INPP4B: variants seen among roughly 807,000 people sequenced by gnomAD.
The protein encoded by INPP4B is inositol polyphosphate 4-phosphatase type II.
A neutral mutation model predicts 122.5 loss-of-function variants in INPP4B; 55 were observed. That is an observed-to-expected ratio of 0.45 (90% CI 0.36 to 0.56). The LOEUF (loss-of-function observed/expected upper bound fraction) is 0.56, where lower values mean the gene tolerates loss of function less well. Ranked by LOEUF, INPP4B falls within the 20% of genes least tolerant of loss-of-function variation. INPP4B has a pLI of 0.00. For synonymous variants in INPP4B, 403 were observed against 388.7 expected (o/e 1.04, Z -0.43); for missense variants, 1,000 against 1,097.7 (o/e 0.91, Z 1.26).
intron 17 of INPP4B, among the ~76,000 whole-genome samples, chr4:142,156,702 TG>T (rs1184697488): frequency 6.6e-6 from 1 of 152,144 alleles, no homozygotes; most frequent in Non-Finnish European, 1.5e-5. Context: ...CAGATTCATA[TG>T]CCATCAATTT....
chr4:142,289,553 C>T (rs1022315448), intron 9 of INPP4B, among the ~76,000 whole-genome samples: 2 of 152,170 alleles, frequency 1.3e-5, no homozygotes, highest in African/African-American at 4.8e-5. Context: ...AGCCCTTGGA[C>T]AGGCCCCGTG....
chr4:142,232,175 AT>A (rs1854673323), intron 12 of INPP4B, among the ~76,000 whole-genome samples: 1 of 152,076 alleles, frequency 6.6e-6, no homozygotes, highest in Non-Finnish European at 1.5e-5. Flanking sequence ...GTATTTACTA[AT>A]TTTTTGTTAA....
chr4:142,143,117 A>C (rs990635561), intron 18 of INPP4B, among the ~76,000 whole-genome samples: 3 of 152,074 alleles, frequency 2.0e-5, no homozygotes, highest in African/African-American at 7.2e-5. Context: ...CAAAACACCA[A>C]AAAACAATTA....
At chr4:142,039,654 C>T (rs924103209) in intron 25 of INPP4B, among the ~76,000 whole-genome samples, 7 of 151,498 alleles carry the variant, frequency 4.6e-5, no homozygotes, top group Admixed American at 2.6e-4. Context: ...TAATTGCTTC[C>T]ATTAAATCAT....
At chr4:142,382,327 G>A (rs1794408701) in intron 7 of INPP4B, among the ~76,000 whole-genome samples, 1 of 151,600 alleles carries the variant, frequency 6.6e-6, no homozygotes, top group Non-Finnish European at 1.5e-5. Flanking sequence ...TGGCCAACAT[G>A]GTGAAATCCT....
At chr4:142,689,742 A>C (rs911310103) in intron 2 of INPP4B, among the ~76,000 whole-genome samples, 5 of 152,194 alleles carry the variant, frequency 3.3e-5, no homozygotes, top group Admixed American at 6.5e-5. Flanking sequence ...TAAAGCATTA[A>C]AATATCTCAC....
intron 16 of INPP4B, among the ~76,000 whole-genome samples, chr4:142,162,877 T>G (rs1820790694): frequency 6.6e-6 from 1 of 151,952 alleles, no homozygotes; most frequent in Non-Finnish European, 1.5e-5. Flanking sequence ...CTGACAAAAT[T>G]TATCTGACTT....
At chr4:142,434,300 G>T (rs1809963260) in intron 3 of INPP4B, among the ~76,000 whole-genome samples, 1 of 152,202 alleles carries the variant, frequency 6.6e-6, no homozygotes, top group Non-Finnish European at 1.5e-5. Flanking sequence ...AGGTGAGGGA[G>T]ACCAAGTCAG....
chr4:142,093,367 T>A (rs979677462), intron 23 of INPP4B, among the ~76,000 whole-genome samples: 1 of 152,144 alleles, frequency 6.6e-6, no homozygotes, highest in Non-Finnish European at 1.5e-5. Flanking sequence ...ACCCACAGAA[T>A]CTGTGAGCAT....
intron 11 of INPP4B, among the ~76,000 whole-genome samples, chr4:142,253,564 T>C (rs1320221439): frequency 6.6e-6 from 1 of 152,148 alleles, no homozygotes; most frequent in Non-Finnish European, 1.5e-5. Context: ...GTCAGGGAGT[T>C]CCCTTTCCTA....
intron 2 of INPP4B, among the ~76,000 whole-genome samples, chr4:142,492,050 C>T (rs993019654): frequency 1.3e-5 from 2 of 152,072 alleles, no homozygotes; most frequent in Non-Finnish European, 2.9e-5. Context: ...CAGTTAATCC[C>T]ATGCTGTTCA....
At chr4:142,719,402 C>A (rs1422041789) in intron 2 of INPP4B, among the ~76,000 whole-genome samples, 2 of 151,824 alleles carry the variant, frequency 1.3e-5, no homozygotes, top group Non-Finnish European at 2.9e-5. Context: ...CGGCTCCCTG[C>A]TGCCTCAACC....
chr4:142,340,995 T>C (rs1273969584), intron 7 of INPP4B, among the ~76,000 whole-genome samples: 2 of 152,322 alleles, frequency 1.3e-5, no homozygotes, highest in South Asian at 2.1e-4. Flanking sequence ...TTAAAGGGCA[T>C]CTCATAATGC....
intron 22 of INPP4B, among the ~76,000 whole-genome samples, chr4:142,112,249 T>G (rs1790571189): frequency 6.6e-6 from 1 of 152,214 alleles, no homozygotes; most frequent in African/African-American, 2.4e-5. Context: ...ATTCTAAAAT[T>G]TAATATACAC....
At chr4:142,506,386 T>C (rs1017259831) in intron 2 of INPP4B, among the ~76,000 whole-genome samples, 3 of 152,076 alleles carry the variant, frequency 2.0e-5, no homozygotes, top group African/African-American at 7.2e-5. Context: ...ATAATGAATA[T>C]AAAGTTGATT....
intron 7 of INPP4B, among the ~76,000 whole-genome samples, chr4:142,387,673 G>A (rs904700218): frequency 7.2e-5 from 11 of 152,058 alleles, no homozygotes; most frequent in Admixed American, 2.0e-4. Context: ...AAATCGGTTG[G>A]ATGAATGGTA....
chr4:142,827,736 A>T (rs1174758831), intron 1 of INPP4B, among the ~76,000 whole-genome samples: 1 of 152,198 alleles, frequency 6.6e-6, no homozygotes, highest in Admixed American at 6.6e-5. Context: ...TACAGAAAAA[A>T]CAAATTAATC....
rs147295209 is a variant in INPP4B at position 142,710,469 on chromosome 4, C to T, written c.-191+15370G>A. 2.5e-3 allele frequency among the ~76,000 whole-genome samples: 386 copies of T among 152,090 alleles called. 5 individuals are homozygous for T. The highest frequency in any genetic ancestry group is 0.018 in the East Asian group (95 of 5,172). ...TGATCATGTTTTTGAAATCATGAGT[C>T]AAAACCCTAGAGTGGGTTATAAAAT... On this transcript the variant is annotated intron_variant, in intron 2 of 25. Coordinates refer to ENST00000262992, the MANE Select transcript of INPP4B (RefSeq NM_001101669.3).
intron 2 of INPP4B, among the ~76,000 whole-genome samples, chr4:142,610,482 T>C (rs1320097312): frequency 2.6e-5 from 4 of 152,194 alleles, no homozygotes; most frequent in Non-Finnish European, 5.9e-5. Context: ...GTTAAGATTG[T>C]ATATTTAATA....
Sources: gnomAD v4.1 joint callset for allele counts (sites outside exome capture counted in the v4.1 genomes callset) on GRCh38, gnomAD v4.1.1 for gene constraint, MANE v1.5 for transcripts, NCBI Gene and HGNC (gene_info 2026-07-23, HGNC 2026-07-21) for gene names.